Variants in ZFPM2 observed in about 807,000 individuals in gnomAD.
The protein encoded by ZFPM2 is zinc finger protein, FOG family member 2.
In ZFPM2, 20 loss-of-function variants were observed where a neutral mutation model predicts 98.6. That is an observed-to-expected ratio of 0.20 (90% confidence interval 0.14 to 0.29). ZFPM2 has a LOEUF of 0.29. ZFPM2 is among the 10% of genes least tolerant of loss of function. ZFPM2 has a pLI of 1.00. For missense variants in ZFPM2, 1,310 were observed against 1,388.6 expected, an observed-to-expected ratio of 0.94 and a Z score of 0.90; for synonymous variants, 518 against 502.7, an observed-to-expected ratio of 1.03 and a Z score of -0.41.
At chr8:105,385,070 G>A (rs999143299) in intron 1 of ZFPM2, among the ~76,000 whole-genome samples, 5 of 152,082 alleles carry the variant, frequency 3.3e-5, no homozygotes, top group Admixed American at 6.6e-5. Context: ...AAGTTACAAA[G>A]CCAGGATTCA....
chr8:105,483,753 CT>C (rs551275094), intron 3 of ZFPM2, among the ~76,000 whole-genome samples: 141 of 141,672 alleles, frequency 1.0e-3, no homozygotes, highest in Admixed American at 1.1e-3. Context: ...TTTTTCTTTT[CT>C]TTTTTTTTTT....
At chr8:105,546,340 G>A (rs1021149878) in intron 3 of ZFPM2, among the ~76,000 whole-genome samples, 1 of 152,070 alleles carries the variant, frequency 6.6e-6, no homozygotes, top group African/African-American at 2.4e-5. Flanking sequence ...ACTTTGGGAG[G>A]CTGAGGCGGG....
chr8:105,630,360 T>C (rs756635613), intron 4 of ZFPM2, among the ~76,000 whole-genome samples: 2 of 152,208 alleles, frequency 1.3e-5, no homozygotes, highest in Non-Finnish European at 2.9e-5. Context: ...CTTGGTAATC[T>C]TCTTTGAAGT....
At chr8:105,574,982 A>G (rs1474269236) in intron 4 of ZFPM2, among the ~76,000 whole-genome samples, 1 of 152,014 alleles carries the variant, frequency 6.6e-6, no homozygotes, top group Non-Finnish European at 1.5e-5. Flanking sequence ...GAAGTACAGA[A>G]GTGGTGGAAA....
At chr8:105,588,559 A>G (rs1815775996) in intron 4 of ZFPM2, among the ~76,000 whole-genome samples, 1 of 152,122 alleles carries the variant, frequency 6.6e-6, no homozygotes, top group African/African-American at 2.4e-5. Flanking sequence ...GTGCAGCCTC[A>G]GTTTAGGTCT....
intron 1 of ZFPM2, among the ~76,000 whole-genome samples, chr8:105,389,589 CAG>C (rs1811069771): frequency 6.6e-6 from 1 of 151,998 alleles, no homozygotes; most frequent in Non-Finnish European, 1.5e-5. Flanking sequence ...GATTGGGAAC[CAG>C]AGAGAGAGAA....
intron 5 of ZFPM2, among the ~76,000 whole-genome samples, chr8:105,726,992 A>T (rs1015103863): frequency 2.0e-5 from 3 of 151,742 alleles, no homozygotes; most frequent in African/African-American, 7.3e-5. Flanking sequence ...GTGTATAGTG[A>T]TAGATAAATT....
intron 5 of ZFPM2, among the ~76,000 whole-genome samples, chr8:105,714,738 G>A (rs1377359612): frequency 6.6e-6 from 1 of 151,946 alleles, no homozygotes; most frequent in African/African-American, 2.4e-5. Context: ...TGGCCATAGT[G>A]AGAGTATTTA....
chr8:105,408,901 A>G (rs1811520738), intron 1 of ZFPM2, among the ~76,000 whole-genome samples: 1 of 151,898 alleles, frequency 6.6e-6, no homozygotes, highest in South Asian at 2.1e-4. Flanking sequence ...AAGACATGTC[A>G]TTTTGTTAGC....
At chr8:105,765,598 A>T (rs1158271739) in intron 5 of ZFPM2, among the ~76,000 whole-genome samples, 1 of 151,854 alleles carries the variant, frequency 6.6e-6, no homozygotes. Context: ...GAAGAGAAGC[A>T]TGCCCTTCTC....
intron 4 of ZFPM2, among the ~76,000 whole-genome samples, chr8:105,589,924 T>G (rs189145264): frequency 6.6e-6 from 1 of 152,292 alleles, no homozygotes; most frequent in Non-Finnish European, 1.5e-5. Flanking sequence ...GGTTTTGCCA[T>G]GTTGGCCAGG....
intron 3 of ZFPM2, among the ~76,000 whole-genome samples, chr8:105,493,026 C>CT (rs1378008273): frequency 6.6e-6 from 1 of 152,152 alleles, no homozygotes; most frequent in Non-Finnish European, 1.5e-5. Context: ...CTTGAGACCT[C>CT]TATTACTTCC....
At chr8:105,645,917 G>A (rs1453401844) in intron 5 of ZFPM2, among the ~76,000 whole-genome samples, 1 of 151,846 alleles carries the variant, frequency 6.6e-6, no homozygotes, top group Non-Finnish European at 1.5e-5. Context: ...ACTGGGCATG[G>A]TGGCACACAC....
chr8:105,690,481 C>T (rs1002559964), intron 5 of ZFPM2, among the ~76,000 whole-genome samples: 2 of 152,128 alleles, frequency 1.3e-5, no homozygotes, highest in African/African-American at 4.8e-5. Flanking sequence ...GAACCACAAG[C>T]TTCCGCACCA....
chr8:105,603,904 C>T (rs1416956851), intron 4 of ZFPM2, among the ~76,000 whole-genome samples: 1 of 152,044 alleles, frequency 6.6e-6, no homozygotes, highest in Non-Finnish European at 1.5e-5. Flanking sequence ...AATGCACCTT[C>T]TGTTTTCTTG....
chr8:105,319,841 G>C (rs1811986211), intron 1 of ZFPM2: 2 of 152,258 alleles, frequency 1.3e-5, no homozygotes, highest in Admixed American at 6.5e-5. Context: ...TAGAGGACAC[G>C]GCGGGTCAAG....
chr8:105,397,253 A>G (rs985044218), intron 1 of ZFPM2, among the ~76,000 whole-genome samples: 11 of 152,190 alleles, frequency 7.2e-5, no homozygotes, highest in African/African-American at 2.7e-4. Flanking sequence ...ATCAAAATAA[A>G]AAAGATTACT....
At chr8:105,333,242 G>A (rs1217915354) in intron 1 of ZFPM2, among the ~76,000 whole-genome samples, 6 of 151,696 alleles carry the variant, frequency 4.0e-5, no homozygotes, top group East Asian at 1.9e-4. Context: ...TTTTAGATAC[G>A]GATTTAATAA....
intron 4 of ZFPM2, among the ~76,000 whole-genome samples, chr8:105,631,528 T>C (rs796730256): frequency 7.9e-5 from 12 of 152,284 alleles, no homozygotes; most frequent in African/African-American, 2.6e-4. Context: ...GTTTATCCTT[T>C]AAAATCCTGC....
Sources: allele counts gnomAD v4.1 joint callset (sites outside exome capture counted in the v4.1 genomes callset), GRCh38; gene constraint gnomAD v4.1.1; transcripts MANE v1.5; gene names NCBI Gene and HGNC (gene_info 2026-07-23, HGNC 2026-07-21).